Variants in ALOX5 observed in about 807,000 individuals in gnomAD.
ALOX5 encodes polyunsaturated fatty acid 5-lipoxygenase.
Under a neutral mutation model 87.9 loss-of-function variants are expected in ALOX5, and 64 were observed. The observed-to-expected ratio is 0.73, with a 90% confidence interval of 0.60 to 0.90. The LOEUF is 0.90. Ranked by LOEUF, ALOX5 falls within the 40% of genes least tolerant of loss-of-function variation. The pLI is 0.00. For synonymous variants in ALOX5, 388 were observed against 355.1 expected (o/e 1.09, Z -1.04); for missense variants, 822 against 907.5 (o/e 0.91, Z 1.21).
intron 1 of ALOX5, among the ~76,000 whole-genome samples, chr10:45,380,018 T>G (rs1839772846): frequency 6.6e-6 from 1 of 152,118 alleles, no homozygotes; most frequent in African/African-American, 2.4e-5. Context: ...GCCCGACGCG[T>G]ATCCAGTCCT....
chr10:45,443,964 C>G, intron 12 of ALOX5, 136 bp downstream of exon 12: 3 of 1,433,934 alleles, frequency 2.1e-6, no homozygotes, highest in South Asian at 2.6e-5. Flanking sequence ...TGGATTCTGC[C>G]CGCTCAGCCA....
At chr10:45,400,814 GAATGTT>G (rs1322062385) in intron 3 of ALOX5, among the ~76,000 whole-genome samples, 1 of 152,152 alleles carries the variant, frequency 6.6e-6, no homozygotes, top group Non-Finnish European at 1.5e-5. Flanking sequence ...AACAAGGAGT[GAATGTT>G]AATGGGTTCG....
chr10:45,391,808 C>T (rs563199696), intron 2 of ALOX5, among the ~76,000 whole-genome samples: 4 of 151,418 alleles, frequency 2.6e-5, no homozygotes, highest in African/African-American at 9.7e-5. Flanking sequence ...GTGAGGAGAC[C>T]CTCCGCCCGG....
chr10:45,384,395 C>T (rs1588982825), intron 2 of ALOX5, among the ~76,000 whole-genome samples: 1 of 152,186 alleles, frequency 6.6e-6, no homozygotes, highest in Admixed American at 6.5e-5. Context: ...TCCTTGGTAA[C>T]TTTAAACAGC....
chr10:45,444,101 C>T lies in ALOX5; in HGVS notation c.1675-15C>T, dbSNP rs1359678244. On this transcript the variant is annotated splice_polypyrimidine_tract_variant and intron_variant, in intron 12 of 13. Coordinates refer to ENST00000374391, the MANE Select transcript of ALOX5 (RefSeq NM_000698.5). ...CTTCGGGGGTGCCCACGCTTGCTGGCGGTCGTCTCCGCAGTACGACTGGTG... is the reference window on the plus strand; with the variant it reads ...CTTCGGGGGTGCCCACGCTTGCTGGTGGTCGTCTCCGCAGTACGACTGGTG... The T allele has an allele frequency of 7.2e-6, 11 of 1,518,450 alleles. No homozygotes were observed. The highest frequency in any genetic ancestry group is 9.8e-6 in the Non-Finnish European group (11 of 1,126,744). 94.1% of individuals were successfully genotyped at this position (1,518,450 alleles called of 1,614,324 possible). A position where few individuals can be genotyped will look rare whatever the true frequency, so the allele number is the denominator to read the frequency against.
intron 1 of ALOX5, among the ~76,000 whole-genome samples, chr10:45,376,784 A>G (rs1219694380): frequency 6.6e-6 from 1 of 152,116 alleles, no homozygotes; most frequent in Non-Finnish European, 1.5e-5. Context: ...TGTTATTCTC[A>G]TCAGAGTTCC....
rs746223035 is a variant in ALOX5 at position 45,424,122 on chromosome 10, T to G, written c.636T>G (p.Phe212Leu). The change falls in exon 5 of 14, where the codon TTT becomes TTG. Residue 212 changes from phenylalanine to leucine, a missense_variant. By Grantham distance (22) the Phe-to-Leu change is conservative (BLOSUM62 0). Transcript: ENST00000374391. ...WNDFADFEKI[F>L]VKISNTISER... The stretch of plus-strand genomic sequence containing the variant: ...ACTTCGCCGACTTTGAGAAAATCTT[T>G]GTCAAGATCAGCAACACTATTTCTG... 1 of 1,614,118 alleles carries G rather than the reference T, an allele frequency of 6.2e-7. No individual in the cohort carries two copies. Among genetic ancestry groups the G allele is most frequent in the Non-Finnish European group, 8.5e-7 (1 of 1,179,928 alleles).
intron 4 of ALOX5, among the ~76,000 whole-genome samples, chr10:45,413,926 A>T (rs1841165793): frequency 6.6e-6 from 1 of 152,196 alleles, no homozygotes; most frequent in South Asian, 2.1e-4. Flanking sequence ...ACCACTGCTC[A>T]ACAAAATAAA....
At chr10:45,375,901 C>A (rs1839589477) in intron 1 of ALOX5, among the ~76,000 whole-genome samples, 1 of 152,226 alleles carries the variant, frequency 6.6e-6, no homozygotes. Context: ...GGTGATGGCA[C>A]CCTCTGCCAT....
intron 12 of ALOX5, 91 bp downstream of exon 12, chr10:45,443,919 G>C: frequency 6.8e-7 from 1 of 1,470,756 alleles, no homozygotes; most frequent in Non-Finnish European, 9.2e-7. Flanking sequence ...CTGCACCCTC[G>C]GACAGCCTCG....
chr10:45,420,274 G>A (rs1841455163), intron 4 of ALOX5, among the ~76,000 whole-genome samples: 1 of 152,226 alleles, frequency 6.6e-6, no homozygotes, highest in Non-Finnish European at 1.5e-5. Flanking sequence ...TTTGGAAAAT[G>A]TAGGGTGGTA....
In ALOX5 at chr10:45,403,462, G is replaced by A. The variant is rs756931735; in HGVS notation, c.431+7526G>A. The stretch of plus-strand genomic sequence containing the variant: ...CATAAAGCCGAGGATGGTCATTACC[G>A]GGGATGGAAGGAGGGTTGATTGGGA... On this transcript the variant is annotated intron_variant, in intron 3 of 13. Transcript: ENST00000374391. 3.3e-5 allele frequency among the ~76,000 whole-genome samples: 5 copies of A among 152,244 alleles called. 1 individual carries two copies. Among genetic ancestry groups the A allele is most frequent in the African/African-American group, 7.2e-5 (3 of 41,528 alleles).
intron 2 of ALOX5, among the ~76,000 whole-genome samples, chr10:45,392,064 G>A (rs34942971): frequency 0.23 from 34,067 of 150,722 alleles, 3,970 homozygotes; most frequent in South Asian, 0.26. Flanking sequence ...CCGGCCAGCC[G>A]CCCCGTCCGA....
chr10:45,382,712 C>T (rs773184728), intron 2 of ALOX5, 31 bp downstream of exon 2: 1 of 1,593,810 alleles, frequency 6.3e-7, no homozygotes, highest in Non-Finnish European at 8.5e-7. Flanking sequence ...CTGCCCCGGG[C>T]TTCCCAAGAA....
At chr10:45,442,911 C>T in intron 9 of ALOX5, 127 bp from the exon 10 acceptor site, 1 of 1,008,422 alleles carries the variant, frequency 9.9e-7, no homozygotes, top group Non-Finnish European at 1.4e-6. Context: ...TCCCCCATCT[C>T]ACAGGACAAG....
chr10:45,426,117 T>C (rs993367759), intron 6 of ALOX5, among the ~76,000 whole-genome samples: 5 of 152,252 alleles, frequency 3.3e-5, no homozygotes, highest in African/African-American at 1.2e-4. Flanking sequence ...AGAGAGCATC[T>C]GTGTTCCTGA....
intron 7 of ALOX5, among the ~76,000 whole-genome samples, chr10:45,437,257 G>T (rs1842087740): frequency 6.6e-6 from 1 of 152,206 alleles, no homozygotes; most frequent in South Asian, 2.1e-4. Flanking sequence ...GGAGGCTGAG[G>T]CAGGAGAATT....
chr10:45,421,229 C>A (rs1052882351), intron 4 of ALOX5, among the ~76,000 whole-genome samples: 6 of 152,268 alleles, frequency 3.9e-5, no homozygotes, highest in Non-Finnish European at 7.3e-5. Flanking sequence ...AACTCCACTT[C>A]TTCCTACATC....
At chr10:45,418,384 G>A (rs1209646802) in intron 4 of ALOX5, among the ~76,000 whole-genome samples, 1 of 152,184 alleles carries the variant, frequency 6.6e-6, no homozygotes, top group African/African-American at 2.4e-5. Flanking sequence ...CCTCCCCAGG[G>A]TTGTGAGATT....
Sources: allele counts gnomAD v4.1 joint callset (sites outside exome capture counted in the v4.1 genomes callset), GRCh38; gene constraint gnomAD v4.1.1; transcripts MANE v1.5; gene names NCBI Gene and HGNC (gene_info 2026-07-23, HGNC 2026-07-21).